The following WARS2 variants were observed in gnomAD, a reference collection of about 807,000 sequenced individuals.
WARS2 encodes the protein tryptophanyl tRNA synthetase 2, mitochondrial, also known as tryptophan--tRNA ligase, mitochondrial.
In WARS2, 28 loss-of-function variants were observed where a neutral mutation model predicts 36.5. The observed-to-expected ratio is 0.77, with a 90% CI of 0.57 to 1.05. The LOEUF (loss-of-function observed/expected upper bound fraction) is 1.05. Ranked by LOEUF, WARS2 falls within the 50% of genes least tolerant of loss-of-function variation. The pLI is 0.00. For missense variants in WARS2, 435 were observed against 456.8 expected (o/e 0.95, Z 0.44); for synonymous variants, 174 against 178.4 (o/e 0.98, Z 0.20).
At position 119,032,459 on chromosome 1, in the gene WARS2, A is replaced by G. The variant is rs1279516140; in HGVS notation, c.*452T>C. 1 of 155,552 alleles carries G rather than the reference A, an allele frequency of 6.4e-6. No individual in the cohort carries two copies. The highest frequency in any genetic ancestry group is 2.4e-5 in the African/African-American group (1 of 41,534). 9.6% of individuals were successfully genotyped at this position (155,552 alleles called of 1,614,324 possible). On this transcript the variant is annotated 3_prime_UTR_variant, in exon 6 of 6. Coordinates refer to ENST00000235521, the MANE Select transcript of WARS2 (RefSeq NM_015836.4). ...GGACTTGTTTTTATGAGCTCTGAAT[A>G]CAAATTGGCATCTGATCAAATGGCA...
intron 1 of WARS2, among the ~76,000 whole-genome samples, chr1:119,079,077 T>TA (rs1651992683): frequency 6.6e-6 from 1 of 152,108 alleles, no homozygotes; most frequent in Non-Finnish European, 1.5e-5. Context: ...GGTAAGCATC[T>TA]AATTTCTTCT....
rs759686301 is a variant in WARS2 at position 119,032,647 on chromosome 1, G to C, written c.*264C>G. 1 of 479,744 alleles carries C rather than the reference G, an allele frequency of 2.1e-6. No homozygotes were observed. The highest frequency in any genetic ancestry group is 2.0e-5 in the African/African-American group (1 of 51,072). The allele number at this position is 479,744 out of a possible 1,614,324, so 29.7% of individuals were successfully genotyped here. A position where few individuals can be genotyped will look rare whatever the true frequency, so the allele number is the denominator to read the frequency against. ...CAATCACATTTCTGCAGGCCAAGGA[G>C]TGTGCCTCAATAATTGGGGATTCAG... On this transcript the variant is annotated 3_prime_UTR_variant, in exon 6 of 6. Coordinates refer to ENST00000235521, the MANE Select transcript of WARS2 (RefSeq NM_015836.4).
At chr1:119,111,590 A>AT (rs1440234395) in intron 1 of WARS2, among the ~76,000 whole-genome samples, 1 of 152,088 alleles carries the variant, frequency 6.6e-6, no homozygotes, top group Admixed American at 6.6e-5. Flanking sequence ...GCACTAGAGG[A>AT]TTTTTCTCTA....
At chr1:119,109,904 T>C (rs1345351910) in intron 1 of WARS2, among the ~76,000 whole-genome samples, 3 of 151,874 alleles carry the variant, frequency 2.0e-5, no homozygotes, top group Non-Finnish European at 4.4e-5. Flanking sequence ...TTACACTTTT[T>C]TTATTTTTCT....
chr1:119,082,448 T>C (rs1652271370), intron 1 of WARS2: 1 of 985,362 alleles, frequency 1.0e-6, no homozygotes, highest in African/African-American at 1.7e-5. Context: ...TCATCTCATG[T>C]AGTGAAGGTA....
chr1:119,126,283 A>C (rs1655650662), intron 1 of WARS2, among the ~76,000 whole-genome samples: 1 of 151,814 alleles, frequency 6.6e-6, no homozygotes, highest in Non-Finnish European at 1.5e-5. Context: ...AAAAAAAAAA[A>C]ATCTCAAAAT....
At chr1:119,100,058 G>A (rs1385911235) in intron 1 of WARS2, among the ~76,000 whole-genome samples, 2 of 152,084 alleles carry the variant, frequency 1.3e-5, no homozygotes, top group Non-Finnish European at 2.9e-5. Context: ...CATCTGACAG[G>A]GGACTAATAC....
chr1:119,078,947 GACAC>G (rs35343555), intron 1 of WARS2, among the ~76,000 whole-genome samples: 20 of 150,358 alleles, frequency 1.3e-4, no homozygotes, highest in African/African-American at 3.4e-4. Flanking sequence ...CATATAGCTA[GACAC>G]ACACACACAC....
chr1:119,045,438 C>T (rs1648711875), intron 3 of WARS2, 144 bp downstream of exon 3: 3 of 653,692 alleles, frequency 4.6e-6, no homozygotes, highest in Admixed American at 2.8e-5. Context: ...CTTTTAATAC[C>T]CTGAAGCAGG....
chr1:119,124,647 C>T (rs1391497808), intron 1 of WARS2, among the ~76,000 whole-genome samples: 1 of 152,188 alleles, frequency 6.6e-6, no homozygotes, highest in Non-Finnish European at 1.5e-5. Flanking sequence ...TAGCCTCTTA[C>T]TTGGTCTCCT....
intron 1 of WARS2, chr1:119,126,767 A>T: frequency 1.4e-6 from 1 of 738,430 alleles, no homozygotes; most frequent in Non-Finnish European, 2.5e-6. Context: ...TACTGTCTGG[A>T]ATCAACTTAT....
intron 1 of WARS2, among the ~76,000 whole-genome samples, chr1:119,111,880 T>C (rs1654660786): frequency 6.6e-6 from 1 of 152,160 alleles, no homozygotes. Context: ...TGACCTCATT[T>C]CTTTGACAGA....
chr1:119,140,428 G>T, intron 1 of WARS2, 127 bp downstream of exon 1: 2 of 777,796 alleles, frequency 2.6e-6, no homozygotes, highest in African/African-American at 1.7e-5. Flanking sequence ...TAGACGAGTA[G>T]ACCTTAGGCG....
chr1:119,048,648 G>C (rs1649060018), intron 2 of WARS2, among the ~76,000 whole-genome samples: 1 of 152,026 alleles, frequency 6.6e-6, no homozygotes. Context: ...CTATGGCTAG[G>C]GCTCCACACG....
chr1:119,085,751 C>A lies in WARS2; in HGVS notation c.91-9144G>T, dbSNP rs183494787. ...TGGATTTCCCAGTCTTCTTGTCCCA[C>A]ATGAGATTAATGTTAACAATCTCCC... is the stretch of plus-strand genomic sequence containing the variant. On this transcript the variant is annotated intron_variant, in intron 1 of 5. Coordinates refer to ENST00000235521, the MANE Select transcript of WARS2 (RefSeq NM_015836.4). 2.5e-6 allele frequency: 4 copies of A among 1,585,972 alleles called. No homozygotes were observed. In the East Asian group the frequency reaches 6.7e-5, roughly 27 times the overall value.
At chr1:119,074,409 T>C (rs1389762515) in intron 2 of WARS2, among the ~76,000 whole-genome samples, 3 of 152,196 alleles carry the variant, frequency 2.0e-5, no homozygotes, top group Non-Finnish European at 4.4e-5. Context: ...TATTGTTTTT[T>C]ACAGAGCAGA....
chr1:119,084,581 G>A (rs1452970870), intron 1 of WARS2, among the ~76,000 whole-genome samples: 1 of 152,110 alleles, frequency 6.6e-6, no homozygotes, highest in Non-Finnish European at 1.5e-5. Context: ...GCATGGAGCT[G>A]GTTGATCTTA....
intron 1 of WARS2, among the ~76,000 whole-genome samples, chr1:119,089,408 T>C (rs879939302): frequency 9.2e-5 from 14 of 152,116 alleles, no homozygotes; most frequent in Non-Finnish European, 2.1e-4. Flanking sequence ...AGCACTAAAA[T>C]ATGATTGTGA....
chr1:119,100,346 T>C (rs1460650864), intron 1 of WARS2, among the ~76,000 whole-genome samples: 1 of 152,172 alleles, frequency 6.6e-6, no homozygotes, highest in Non-Finnish European at 1.5e-5. Context: ...CTGGTGGGAA[T>C]GGAAACTAGT....
Sources: gnomAD v4.1 joint callset for allele counts (sites outside exome capture counted in the v4.1 genomes callset) on GRCh38, gnomAD v4.1.1 for gene constraint, MANE v1.5 for transcripts, NCBI Gene and HGNC (gene_info 2026-07-23, HGNC 2026-07-21) for gene names.